The following RGS17 variants were observed in gnomAD, a reference collection of about 807,000 sequenced individuals.
The protein encoded by RGS17 is regulator of G-protein signaling 17.
RGS17 carries 12 observed loss-of-function variants against 25.5 expected under a neutral mutation model. The observed-to-expected ratio is 0.47, with a 90% confidence interval of 0.30 to 0.76. The LOEUF is 0.76. Ranked by LOEUF, RGS17 falls within the 30% of genes least tolerant of loss-of-function variation. RGS17 has a pLI of 0.07. For missense variants in RGS17, 196 were observed against 242.2 expected, an observed-to-expected ratio of 0.81 and a Z score of 1.27; for synonymous variants, 71 against 76.9, an observed-to-expected ratio of 0.92 and a Z score of 0.40.
intron 1 of RGS17, among the ~76,000 whole-genome samples, chr6:153,129,851 G>T (rs1431583996): frequency 6.6e-6 from 1 of 152,230 alleles, no homozygotes; most frequent in Non-Finnish European, 1.5e-5. Flanking sequence ...CAGGAGCCAG[G>T]GTCAATCGTC....
rs757693789 is a variant in RGS17 at position 153,044,005 on chromosome 6, T to C, written c.14A>G (p.Gln5Arg). The C allele has an allele frequency of 6.2e-7, 1 of 1,611,346 alleles. No individual in the cohort carries two copies. The highest frequency in any genetic ancestry group is 1.7e-5 in the Admixed American group (1 of 59,782). ...AGGTGTTCCTTCATTTTGGGACTGCTGCCTTTTTCGCATTTCAGCTACTTC... is the reference window on the plus strand; with the variant it reads ...AGGTGTTCCTTCATTTTGGGACTGCCGCCTTTTTCGCATTTCAGCTACTTC... MRKR[Q>R]QSQNEGTPAV... Residue 5 changes from glutamine to arginine, a missense_variant, in exon 2 of 5, where the codon CAG (glutamine) becomes CGG (arginine). By Grantham distance (43) the Gln-to-Arg change is conservative. Around this residue, in one of 2 missense-constraint regions of RGS17, gnomAD observed 17 missense variants for 44.7 expected, o/e 0.38. Coordinates refer to ENST00000206262, the MANE Select transcript of RGS17 (RefSeq NM_012419.5).
chr6:153,099,876 C>T (rs895357150), intron 1 of RGS17, among the ~76,000 whole-genome samples: 4 of 152,156 alleles, frequency 2.6e-5, no homozygotes, highest in South Asian at 4.2e-4. Flanking sequence ...CCCAGTCCCT[C>T]AAATGTCACA....
chr6:153,027,696 C>T (rs1562314879), intron 2 of RGS17, among the ~76,000 whole-genome samples: 1 of 152,098 alleles, frequency 6.6e-6, no homozygotes, highest in Non-Finnish European at 1.5e-5. Flanking sequence ...GGGAGGCTGG[C>T]CCAAAACCGA....
At chr6:153,064,724 G>A (rs925747736) in intron 1 of RGS17, among the ~76,000 whole-genome samples, 7 of 151,886 alleles carry the variant, frequency 4.6e-5, no homozygotes, top group African/African-American at 1.5e-4. Context: ...GTGTTAAGTT[G>A]TTATCAGTTT....
intron 4 of RGS17, among the ~76,000 whole-genome samples, chr6:153,013,870 A>G (rs1442810551): frequency 1.3e-5 from 2 of 152,216 alleles, no homozygotes; most frequent in East Asian, 1.9e-4. Flanking sequence ...ATGTTGGTTC[A>G]TGAGGTGTAG....
chr6:153,103,239 G>T (rs934377550), intron 1 of RGS17, among the ~76,000 whole-genome samples: 2 of 152,194 alleles, frequency 1.3e-5, no homozygotes, highest in African/African-American at 4.8e-5. Flanking sequence ...TCAAACAGTG[G>T]TTAAGGAATA....
At position 153,004,667 on chromosome 6, in the gene RGS17, A is replaced by G. The variant is rs1444190178; in HGVS notation, c.*6907T>C. On this transcript the variant is annotated 3_prime_UTR_variant, in exon 5 of 5. Transcript: ENST00000206262. ...GCTCAAATTCTGTTACATGGTGAAA[A>G]TTCTAGCATTTTCCAGAAGTATATT... 6 of 152,144 alleles carry G rather than the reference A, an allele frequency of 3.9e-5. No homozygotes were observed. Among genetic ancestry groups the G allele is most frequent in the African/African-American group, 1.4e-4 (6 of 41,448 alleles). 9.4% of individuals were successfully genotyped at this position (152,144 alleles called of 1,614,324 possible). A position where few individuals can be genotyped will look rare whatever the true frequency, so the allele number is the denominator to read the frequency against.
At chr6:153,113,318 T>C (rs994923741) in intron 1 of RGS17, among the ~76,000 whole-genome samples, 1 of 151,534 alleles carries the variant, frequency 6.6e-6, no homozygotes, top group Non-Finnish European at 1.5e-5. Context: ...CCAACAAAAA[T>C]AAAAAAAGAC....
chr6:153,023,749 C>CT (rs1016979423), intron 4 of RGS17, among the ~76,000 whole-genome samples: 10 of 151,908 alleles, frequency 6.6e-5, no homozygotes, highest in African/African-American at 1.5e-4. Context: ...TGTCAGATTT[C>CT]TTTTTTTTGA....
At chr6:153,084,764 G>C (rs1324456840) in intron 1 of RGS17, among the ~76,000 whole-genome samples, 1 of 152,138 alleles carries the variant, frequency 6.6e-6, no homozygotes, top group African/African-American at 2.4e-5. Flanking sequence ...TCTTTGACCA[G>C]AGTGGCCAAA....
In RGS17 at chr6:153,006,249, T is replaced by A. The variant is rs1225909684; in HGVS notation, c.*5325A>T. ...AAAGAGTGTTTTCTAATTGTCAATC[T>A]CTTATAACTTAGTCTTAGCCCTATA... On this transcript the variant is annotated 3_prime_UTR_variant, in exon 5 of 5. Coordinates refer to ENST00000206262, the MANE Select transcript of RGS17 (RefSeq NM_012419.5). 2 of 152,288 alleles carry A rather than the reference T, an allele frequency of 1.3e-5. No individual in the cohort carries two copies. Among genetic ancestry groups the A allele is most frequent in the Non-Finnish European group, 2.9e-5 (2 of 68,040 alleles). 9.4% of individuals were successfully genotyped at this position (152,288 alleles called of 1,614,324 possible).
intron 1 of RGS17, among the ~76,000 whole-genome samples, chr6:153,102,553 A>G (rs766193385): frequency 6.6e-6 from 1 of 152,142 alleles, no homozygotes; most frequent in Non-Finnish European, 1.5e-5. Flanking sequence ...TGATTGGATC[A>G]TGGGGGCAGC....
At chr6:153,119,365 C>G (rs1234995981) in intron 1 of RGS17, among the ~76,000 whole-genome samples, 1 of 152,166 alleles carries the variant, frequency 6.6e-6, no homozygotes, top group Non-Finnish European at 1.5e-5. Context: ...CCTTTCAAGG[C>G]AGCTTACCTA....
At chr6:153,082,522 A>T (rs904248506) in intron 1 of RGS17, among the ~76,000 whole-genome samples, 8 of 152,044 alleles carry the variant, frequency 5.3e-5, no homozygotes, top group Non-Finnish European at 1.5e-5. Flanking sequence ...TTGAATTTTT[A>T]CCTATGAGTT....
chr6:153,006,120 G>C lies in RGS17; in HGVS notation c.*5454C>G, dbSNP rs1286374893. ...CACGCCTTAGTCTCCCAAAGTGCTG[G>C]GATTGTATGCGTGAGCCACCGTGCC... On this transcript the variant is annotated 3_prime_UTR_variant, in exon 5 of 5. Coordinates refer to ENST00000206262, the MANE Select transcript of RGS17 (RefSeq NM_012419.5). 1.3e-5 allele frequency: 2 copies of C among 152,178 alleles called. No homozygotes were observed. Among genetic ancestry groups the C allele is most frequent in the East Asian group, 3.9e-4 (2 of 5,172 alleles). The allele number at this position is 152,178 out of a possible 1,614,324, so 9.4% of individuals were successfully genotyped here.
intron 1 of RGS17, among the ~76,000 whole-genome samples, chr6:153,076,351 T>C (rs1181084231): frequency 6.6e-6 from 1 of 152,082 alleles, no homozygotes; most frequent in African/African-American, 2.4e-5. Context: ...AAAAGAGAAA[T>C]ACAGAAGTTA....
chr6:153,018,165 G>A (rs1467096734), intron 4 of RGS17, among the ~76,000 whole-genome samples: 6 of 152,056 alleles, frequency 3.9e-5, no homozygotes, highest in African/African-American at 1.5e-4. Context: ...GCTGGTCTAG[G>A]GGAGGGTTCA....
At chr6:153,069,973 GT>G (rs1776764541) in intron 1 of RGS17, among the ~76,000 whole-genome samples, 1 of 151,560 alleles carries the variant, frequency 6.6e-6, no homozygotes, top group South Asian at 2.1e-4. Context: ...TGTCCTTTTT[GT>G]TTTTTTAAAA....
intron 1 of RGS17, among the ~76,000 whole-genome samples, chr6:153,089,627 T>C (rs1021182472): frequency 2.0e-5 from 3 of 152,136 alleles, no homozygotes; most frequent in Admixed American, 6.6e-5. Flanking sequence ...ATTTTTTTTT[T>C]CCTAAGGGAA....
Sources: allele counts gnomAD v4.1 joint callset (sites outside exome capture counted in the v4.1 genomes callset), GRCh38; gene constraint gnomAD v4.1.1; regional missense constraint gnomAD v4.1.1; transcripts MANE v1.5; gene names NCBI Gene and HGNC (gene_info 2026-07-23, HGNC 2026-07-21).